Variants in TNFRSF10D observed in about 807,000 individuals in gnomAD.
The protein encoded by TNFRSF10D is tumor necrosis factor receptor superfamily member 10D.
TNFRSF10D carries 28 observed loss-of-function variants against 42.1 expected under a neutral mutation model. The ratio of observed to expected loss-of-function variants is 0.66; its 90% CI spans 0.49 to 0.91. TNFRSF10D has a LOEUF of 0.91. TNFRSF10D is among the 40% of genes least tolerant of loss of function. The pLI is 0.00. For missense variants in TNFRSF10D, 503 were observed against 486.1 expected (o/e 1.03, Z -0.33); for synonymous variants, 186 against 189.4 (o/e 0.98, Z 0.15).
chr8:23,159,910 G>A (rs1162843557), intron 1 of TNFRSF10D, among the ~76,000 whole-genome samples: 1 of 151,430 alleles, frequency 6.6e-6, no homozygotes, highest in Non-Finnish European at 1.5e-5. Context: ...CCTGTCTTAT[G>A]TCAATTTAAT....
chr8:23,137,709 A>G lies in TNFRSF10D; in HGVS notation c.*161T>C. ...GCAGTATTTCATAAAAATTACTCCA[A>G]GTGCGTTAACAAAGTTCTAGGACCA... On this transcript the variant is annotated 3_prime_UTR_variant, in exon 9 of 9. Coordinates refer to ENST00000312584, the MANE Select transcript of TNFRSF10D (RefSeq NM_003840.5). 1.2e-6 allele frequency: 1 copy of G among 854,144 alleles called. No homozygotes were observed. Among genetic ancestry groups the G allele is most frequent in the East Asian group, 2.6e-5 (1 of 38,666 alleles). The allele number at this position is 854,144 out of a possible 1,614,324, so 52.9% of individuals were successfully genotyped here. A position where few individuals can be genotyped will look rare whatever the true frequency, so the allele number is the denominator to read the frequency against.
At chr8:23,158,425 G>T (rs1024266734) in intron 1 of TNFRSF10D, among the ~76,000 whole-genome samples, 1 of 152,110 alleles carries the variant, frequency 6.6e-6, no homozygotes, top group Non-Finnish European at 1.5e-5. Flanking sequence ...CCATCTATTT[G>T]CTTTCCACAG....
chr8:23,155,180 G>A (rs1052002342), intron 1 of TNFRSF10D, among the ~76,000 whole-genome samples: 7 of 151,612 alleles, frequency 4.6e-5, no homozygotes, highest in African/African-American at 9.7e-5. Context: ...AAACACCTCC[G>A]TATCCTTTTA....
intron 2 of TNFRSF10D, among the ~76,000 whole-genome samples, chr8:23,151,590 A>G (rs1800213131): frequency 6.6e-6 from 1 of 152,158 alleles, no homozygotes; most frequent in Non-Finnish European, 1.5e-5. Flanking sequence ...TTTAAATGAT[A>G]CTTAATACAA....
intron 2 of TNFRSF10D, among the ~76,000 whole-genome samples, chr8:23,149,207 A>C (rs1347781961): frequency 1.4e-5 from 2 of 142,460 alleles, no homozygotes; most frequent in Non-Finnish European, 3.0e-5. Context: ...AAAAAAAAAA[A>C]GAAAAGAAAA....
chr8:23,148,917 A>G (rs62501094), intron 2 of TNFRSF10D, among the ~76,000 whole-genome samples: 29,762 of 151,442 alleles, frequency 0.2, 3,664 homozygotes, highest in Non-Finnish European at 0.27. Flanking sequence ...TTGGCCAGGC[A>G]CGGTGGCTCA....
intron 1 of TNFRSF10D, among the ~76,000 whole-genome samples, chr8:23,155,996 A>T (rs1406773102): frequency 6.6e-6 from 1 of 152,222 alleles, no homozygotes; most frequent in Non-Finnish European, 1.5e-5. Context: ...AGAGTGACAG[A>T]AAAAGATAAA....
At chr8:23,148,170 C>A (rs921871801) in intron 3 of TNFRSF10D, among the ~76,000 whole-genome samples, 9 of 150,724 alleles carry the variant, frequency 6.0e-5, no homozygotes, top group Non-Finnish European at 1.2e-4. Flanking sequence ...ACCTGGGAGG[C>A]AGAGGTTGCA....
At chr8:23,156,614 G>C (rs1173984038) in intron 1 of TNFRSF10D, among the ~76,000 whole-genome samples, 1 of 151,230 alleles carries the variant, frequency 6.6e-6, no homozygotes, top group African/African-American at 2.4e-5. Flanking sequence ...ATCCAGGTTG[G>C]AGTGCAGTGG....
Position 23,146,958 on chromosome 8 carries a change from T to C in TNFRSF10D, c.482+3A>G, listed in dbSNP as rs1247098914. ...TGTTGGGAGCCCCTGGCTGCTGTCTTACCCTGTTCTACACGTCCGGCACAT... is the reference window on the plus strand; with the variant it reads ...TGTTGGGAGCCCCTGGCTGCTGTCTCACCCTGTTCTACACGTCCGGCACAT... On this transcript the variant is annotated splice_donor_region_variant and intron_variant, in intron 4 of 8. Coordinates refer to ENST00000312584, the MANE Select transcript of TNFRSF10D (RefSeq NM_003840.5). 1.2e-6 allele frequency: 2 copies of C among 1,612,296 alleles called. No individual in the cohort carries two copies. The highest frequency in any genetic ancestry group is 1.7e-5 in the Admixed American group (1 of 59,982).
rs1387982718 is a variant in TNFRSF10D, at chr8:23,137,118, A to G, written c.*752T>C. On this transcript the variant is annotated 3_prime_UTR_variant, in exon 9 of 9. Transcript: ENST00000312584. ...GATGTACAGCCTACAGTAGTAAGCAATATAAATGTTTCTCTAATTAAGGTG... is the reference window on the plus strand; with the variant it reads ...GATGTACAGCCTACAGTAGTAAGCAGTATAAATGTTTCTCTAATTAAGGTG... 1 of 152,238 alleles carries G rather than the reference A, an allele frequency of 6.6e-6. No individual in the cohort carries two copies. Among genetic ancestry groups the G allele is most frequent in the Non-Finnish European group, 1.5e-5 (1 of 68,042 alleles). The allele number at this position is 152,238 out of a possible 1,614,324, so 9.4% of individuals were successfully genotyped here. A position where few individuals can be genotyped will look rare whatever the true frequency, so the allele number is the denominator to read the frequency against.
chr8:23,141,335 T>C (rs1405134922), intron 7 of TNFRSF10D, among the ~76,000 whole-genome samples: 2 of 151,580 alleles, frequency 1.3e-5, no homozygotes, highest in East Asian at 1.9e-4. Context: ...CAAAACCCCA[T>C]CTCTACTAAA....
At chr8:23,150,719 G>C (rs1285787962) in intron 2 of TNFRSF10D, among the ~76,000 whole-genome samples, 924 of 152,100 alleles carry the variant, frequency 6.1e-3, no homozygotes, top group African/African-American at 0.019. Flanking sequence ...TAATAAAGAA[G>C]AAAGCAGAAA....
intron 5 of TNFRSF10D, 45 bp downstream of exon 5, chr8:23,145,623 C>T: frequency 6.2e-7 from 1 of 1,610,922 alleles, no homozygotes. Context: ...TGGGAGAGGG[C>T]AGGGCAGACA....
intron 6 of TNFRSF10D, 121 bp from the exon 7 acceptor site, chr8:23,144,756 C>A: frequency 8.0e-7 from 1 of 1,244,506 alleles, no homozygotes; most frequent in Non-Finnish European, 1.1e-6. Flanking sequence ...GCAGCTGAGG[C>A]TCAGCACATC....
chr8:23,142,788 T>C (rs1044085178), intron 7 of TNFRSF10D, among the ~76,000 whole-genome samples: 31 of 152,220 alleles, frequency 2.0e-4, no homozygotes, highest in Admixed American at 9.2e-4. Context: ...GTGTATTATA[T>C]GTAAAGTAAT....
Position 23,148,531 on chromosome 8 carries a change from T to C in TNFRSF10D, c.277A>G (p.Thr93Ala). Residue 93 changes from threonine to alanine, a missense_variant, in exon 3 of 9, where the codon ACT (threonine) becomes GCT (alanine). Physicochemically the swap from Thr to Ala is moderately conservative, Grantham distance 58 (BLOSUM62 0). Transcript: ENST00000312584. The stretch of plus-strand genomic sequence containing the variant: ...TCTGTGCACGGGTTACAGGCTCCAG[T>C]ATATTCTGATCTATGAGATCCTGGG... ...CPAGSHRSEYTGACNPCTEGV... is the reference protein window; with the variant it reads ...CPAGSHRSEYAGACNPCTEGV... The C allele has an allele frequency of 1.9e-6, 3 of 1,609,374 alleles. No homozygotes were observed. Among genetic ancestry groups the C allele is most frequent in the Non-Finnish European group, 2.5e-6 (3 of 1,176,854 alleles).
chr8:23,145,261 G>A (rs1482065985), intron 5 of TNFRSF10D, among the ~76,000 whole-genome samples, 172 bp from the exon 6 acceptor site: 1 of 152,212 alleles, frequency 6.6e-6, no homozygotes, highest in Non-Finnish European at 1.5e-5. Flanking sequence ...GAAGGGGGAT[G>A]AGAAGGGGAA....
intron 1 of TNFRSF10D, among the ~76,000 whole-genome samples, chr8:23,158,037 G>T (rs1026495094): frequency 3.3e-5 from 5 of 152,344 alleles, no homozygotes; most frequent in East Asian, 1.9e-4. Flanking sequence ...CCTGGAAGTA[G>T]GCCAACCTAT....
Sources: allele counts gnomAD v4.1 joint callset (sites outside exome capture counted in the v4.1 genomes callset), GRCh38; gene constraint gnomAD v4.1.1; transcripts MANE v1.5; gene names NCBI Gene and HGNC (gene_info 2026-07-23, HGNC 2026-07-21).